Variants in ALKAL1 observed in about 807,000 individuals in gnomAD.
ALKAL1 encodes the protein ALK and LTK ligand 1.
A neutral mutation model predicts 13.5 loss-of-function variants in ALKAL1; 23 were observed. The ratio of observed to expected loss-of-function variants is 1.70; its 90% CI spans 1.23 to 2.41. The LOEUF (loss-of-function observed/expected upper bound fraction) is 2.41, where lower values mean the gene tolerates loss of function less well. Ranked by LOEUF, ALKAL1 falls within the 30% of genes most tolerant of loss-of-function variation. The pLI is 0.00. For missense variants in ALKAL1, 181 were observed against 178.4 expected, an observed-to-expected ratio of 1.01 and a Z score of -0.08; for synonymous variants, 85 against 77.7, an observed-to-expected ratio of 1.09 and a Z score of -0.49.
chr8:52,556,646 C>CGA (rs1847485750), intron 1 of ALKAL1, among the ~76,000 whole-genome samples: 2 of 51,372 alleles, frequency 3.9e-5, no homozygotes, highest in African/African-American at 1.8e-4. Context: ...AACTCTGTCT[C>CGA]AAAAAAAAAA....
At chr8:52,537,604 A>C (rs1329086581) in intron 4 of ALKAL1, among the ~76,000 whole-genome samples, 1 of 152,220 alleles carries the variant, frequency 6.6e-6, no homozygotes, top group Non-Finnish European at 1.5e-5. Context: ...ATGGATAAAG[A>C]AAATGTGTAT....
chr8:52,557,409 T>C lies in ALKAL1; in HGVS notation c.190+7658A>G, dbSNP rs187892268. On this transcript the variant is annotated intron_variant, in intron 1 of 4. Transcript: ENST00000358543. ...AATTCCACAGCAAGCCTGGAACCAG[T>C]GCTTTCTGTCTCATGGAAATGATCA... is the stretch of plus-strand genomic sequence containing the variant. 3.0e-3 allele frequency among the ~76,000 whole-genome samples: 456 copies of C among 152,368 alleles called. 1 individual carries two copies. The highest frequency in any genetic ancestry group is 9.2e-3 in the African/African-American group (381 of 41,596).
chr8:52,538,559 G>C (rs750923236), intron 3 of ALKAL1, 52 bp from the exon 4 acceptor site: 1 of 1,187,508 alleles, frequency 8.4e-7, no homozygotes, highest in Non-Finnish European at 1.2e-6. Context: ...AGAAATGTTG[G>C]GGAAATCCTG....
At chr8:52,552,308 C>T (rs1268596510) in intron 1 of ALKAL1, among the ~76,000 whole-genome samples, 2 of 152,124 alleles carry the variant, frequency 1.3e-5, no homozygotes, top group African/African-American at 4.8e-5. Context: ...GAAGGGTGCA[C>T]ACTTTTAGTG....
At chr8:52,548,103 C>T (rs900178176) in intron 1 of ALKAL1, among the ~76,000 whole-genome samples, 1 of 152,158 alleles carries the variant, frequency 6.6e-6, no homozygotes, top group South Asian at 2.1e-4. Context: ...AATCTCGGCA[C>T]TTTGGGAGGC....
At chr8:52,539,933 C>T (rs749050355) in intron 2 of ALKAL1, 22 bp from the exon 3 acceptor site, 225 of 1,601,626 alleles carry the variant, frequency 1.4e-4, no homozygotes, top group Non-Finnish European at 1.8e-4. Flanking sequence ...GAAAAGAATG[C>T]TTATTATAAA....
chr8:52,564,073 G>T (rs1292293579), intron 1 of ALKAL1, among the ~76,000 whole-genome samples: 1 of 152,212 alleles, frequency 6.6e-6, no homozygotes, highest in African/African-American at 2.4e-5. Context: ...CATAAAGCCT[G>T]AGGAGAAGGG....
chr8:52,562,002 C>T (rs967440703), intron 1 of ALKAL1, among the ~76,000 whole-genome samples: 4 of 152,200 alleles, frequency 2.6e-5, no homozygotes, highest in African/African-American at 7.2e-5. Flanking sequence ...ACTCCCACCA[C>T]GGCCCTATTC....
intron 3 of ALKAL1, among the ~76,000 whole-genome samples, chr8:52,538,714 C>A (rs183974586): frequency 1.3e-5 from 2 of 152,164 alleles, no homozygotes; most frequent in Non-Finnish European, 2.9e-5. Flanking sequence ...AGAGATGAGA[C>A]AAGAGCCTCA....
At chr8:52,544,711 G>GTATATGGGATAGTGTTT (rs1847349766) in intron 1 of ALKAL1, among the ~76,000 whole-genome samples, 1 of 152,006 alleles carries the variant, frequency 6.6e-6, no homozygotes, top group Non-Finnish European at 1.5e-5. Context: ...ATGATGTGTT[G>GTATATGGGATAGTGTTT]TATATGGGAT....
At chr8:52,539,083 C>G (rs930663447) in intron 3 of ALKAL1, among the ~76,000 whole-genome samples, 6 of 152,036 alleles carry the variant, frequency 3.9e-5, no homozygotes, top group Admixed American at 6.6e-5. Context: ...TGAGCCAACA[C>G]TCCTGGCCTT....
At chr8:52,537,067 T>G (rs997279879) in intron 4 of ALKAL1, among the ~76,000 whole-genome samples, 4 of 152,108 alleles carry the variant, frequency 2.6e-5, no homozygotes, top group Non-Finnish European at 1.5e-5. Context: ...GAGAAAAGAT[T>G]TGCAAACCAT....
chr8:52,547,454 C>T (rs1847381897), intron 1 of ALKAL1, among the ~76,000 whole-genome samples: 1 of 152,080 alleles, frequency 6.6e-6, no homozygotes, highest in Non-Finnish European at 1.5e-5. Context: ...GAGCCAAGAT[C>T]GCACCACTGC....
chr8:52,564,244 G>A (rs979797898), intron 1 of ALKAL1, among the ~76,000 whole-genome samples: 1 of 152,146 alleles, frequency 6.6e-6, no homozygotes, highest in African/African-American at 2.4e-5. Flanking sequence ...CTCTGCTCTT[G>A]CTGGGTGTGA....
Position 52,553,949 on chromosome 8 carries a change from T to A in ALKAL1, c.190+11118A>T, listed in dbSNP as rs185463352. The stretch of plus-strand genomic sequence containing the variant: ...ATAAAAATGCTAAAACAGGGCCGGG[T>A]GCAGTGGCTCATGCCTGTAATCCCA... On this transcript the variant is annotated intron_variant, in intron 1 of 4. Transcript: ENST00000358543. Among the ~76,000 whole-genome samples, 31 of 152,226 alleles carry A rather than the reference T, an allele frequency of 2.0e-4. No homozygotes were observed. The East Asian group carries it at 5.2e-3, about 26-fold the overall frequency.
intron 1 of ALKAL1, among the ~76,000 whole-genome samples, chr8:52,556,696 A>C (rs1298965462): frequency 6.7e-6 from 1 of 150,188 alleles, no homozygotes; most frequent in Non-Finnish European, 1.5e-5. Context: ...TAAAGCTCTC[A>C]ACAGTAATGA....
At chr8:52,560,170 G>A (rs966814696) in intron 1 of ALKAL1, among the ~76,000 whole-genome samples, 4 of 151,980 alleles carry the variant, frequency 2.6e-5, no homozygotes, top group Non-Finnish European at 4.4e-5. Context: ...ATCAATGAAC[G>A]ATATCATCAA....
chr8:52,542,579 T>C, intron 1 of ALKAL1, 134 bp from the exon 2 acceptor site: 2 of 624,838 alleles, frequency 3.2e-6, no homozygotes, highest in East Asian at 2.8e-5. Context: ...GATCCCAAAC[T>C]GGTTTCTCCA....
At chr8:52,543,969 C>G (rs1020297730) in intron 1 of ALKAL1, among the ~76,000 whole-genome samples, 1 of 152,118 alleles carries the variant, frequency 6.6e-6, no homozygotes, top group Non-Finnish European at 1.5e-5. Flanking sequence ...TTACCCTCCT[C>G]ATCTCCACCC....
Sources: allele counts gnomAD v4.1 joint callset (sites outside exome capture counted in the v4.1 genomes callset), GRCh38; gene constraint gnomAD v4.1.1; transcripts MANE v1.5; gene names NCBI Gene and HGNC (gene_info 2026-07-23, HGNC 2026-07-21).